The following TBL1XR1 variants were observed in gnomAD, a reference collection of about 807,000 sequenced individuals.
TBL1XR1 encodes F-box-like/WD repeat-containing protein TBL1XR1.
A neutral mutation model predicts 66.9 loss-of-function variants in TBL1XR1; 5 were observed. That is an observed-to-expected ratio of 0.07 (90% CI 0.04 to 0.16). The LOEUF is 0.16. TBL1XR1 is among the 10% of genes least tolerant of loss of function. The probability of loss-of-function intolerance (pLI) is 1.00; values close to 1 mark genes in which losing one functional copy is unlikely to be tolerated. For synonymous variants in TBL1XR1, 210 were observed against 206.0 expected, an observed-to-expected ratio of 1.02 and a Z score of -0.17; for missense variants, 238 against 623.2, an observed-to-expected ratio of 0.38 and a Z score of 6.58.
chr3:177,199,896 T>TA (rs762195070), upstream of TBL1XR1, among the ~76,000 whole-genome samples: 13 of 152,190 alleles, frequency 8.5e-5, no homozygotes, highest in Non-Finnish European at 1.8e-4. Flanking sequence ...GCTGGGGACT[T>TA]ACAAATCCGT....
chr3:177,037,772 TCATC>T lies in TBL1XR1; in HGVS notation c.1122+322_1122+325del, dbSNP rs71170848. Reference sequence around the variant, plus strand: ...GAGTCAATTTCTCACAGTAAATCTCTCATCCATCCATCCATCCATCCATCCATCC... The same window carrying T: ...GAGTCAATTTCTCACAGTAAATCTCTCATCCATCCATCCATCCATCCATCC... On this transcript the variant is annotated intron_variant, in intron 12 of 15. Coordinates refer to ENST00000457928, the MANE Select transcript of TBL1XR1 (RefSeq NM_024665.7). 563 of 183,534 alleles carry T rather than the reference TCATC, an allele frequency of 3.1e-3. 5 individuals are homozygous for T. Among genetic ancestry groups the T allele is most frequent in the South Asian group, 0.012 (94 of 8,118 alleles). The allele number at this position is 183,534 out of a possible 1,614,324, so 11.4% of individuals were successfully genotyped here. A position where few individuals can be genotyped will look rare whatever the true frequency, so the allele number is the denominator to read the frequency against.
At chr3:177,026,499 T>G (rs780716623) in intron 14 of TBL1XR1, 25 bp from the exon 15 acceptor site, 8 of 1,500,540 alleles carry the variant, frequency 5.3e-6, no homozygotes, top group East Asian at 2.3e-5. Context: ...AACAAAATCT[T>G]AAAAATCGTA....
chr3:177,073,854 T>C (rs2108576309), intron 2 of TBL1XR1, among the ~76,000 whole-genome samples: 1 of 152,280 alleles, frequency 6.6e-6, no homozygotes, highest in South Asian at 2.1e-4. Context: ...TTTTGTTTGT[T>C]TTGCCCAGAC....
At chr3:177,044,155 T>C (rs1715997271) in intron 10 of TBL1XR1, among the ~76,000 whole-genome samples, 1 of 152,188 alleles carries the variant, frequency 6.6e-6, no homozygotes, top group African/African-American at 2.4e-5. Context: ...TCCTAACCAG[T>C]GCACTTTTCA....
chr3:177,055,037 A>C (rs374798164), intron 3 of TBL1XR1, among the ~76,000 whole-genome samples: 2 of 152,226 alleles, frequency 1.3e-5, no homozygotes, highest in East Asian at 3.8e-4. Context: ...AATTCAATTA[A>C]ATTGTACAAG....
At chr3:177,150,022 A>G (rs908865654) in intron 1 of TBL1XR1, among the ~76,000 whole-genome samples, 1 of 152,246 alleles carries the variant, frequency 6.6e-6, no homozygotes, top group African/African-American at 2.4e-5. Context: ...AGAACATGCC[A>G]TATGTAGCAT....
chr3:177,069,791 GGAAAGGAA>G (rs1560138749), intron 2 of TBL1XR1, among the ~76,000 whole-genome samples: 1 of 77,076 alleles, frequency 1.3e-5, no homozygotes, highest in Admixed American at 1.6e-4. Flanking sequence ...GGAAAAGGAA[GGAAAGGAA>G]GGAAGGAAGG....
At chr3:177,030,549 G>C (rs773435410) in intron 14 of TBL1XR1, among the ~76,000 whole-genome samples, 2 of 152,014 alleles carry the variant, frequency 1.3e-5, no homozygotes, top group Admixed American at 6.5e-5. Flanking sequence ...GGAAGGAAGA[G>C]GAAAATGGAG....
chr3:177,111,778 G>C (rs1577200087), intron 1 of TBL1XR1, among the ~76,000 whole-genome samples: 1 of 151,972 alleles, frequency 6.6e-6, no homozygotes, highest in Non-Finnish European at 1.5e-5. Flanking sequence ...TTAGATTTCA[G>C]ATGAGTCAGA....
upstream of TBL1XR1, among the ~76,000 whole-genome samples, chr3:177,200,618 T>G (rs1027982737): frequency 2.0e-5 from 3 of 152,238 alleles, no homozygotes; most frequent in Non-Finnish European, 4.4e-5. Flanking sequence ...TTTGTCCTAA[T>G]CTAACACTCC....
intron 3 of TBL1XR1, among the ~76,000 whole-genome samples, chr3:177,064,488 C>G (rs1450837505): frequency 1.3e-5 from 2 of 152,142 alleles, no homozygotes; most frequent in African/African-American, 2.4e-5. Context: ...ATCAAGGATA[C>G]ACTTAATTCA....
intron 4 of TBL1XR1, among the ~76,000 whole-genome samples, chr3:177,052,289 C>T (rs1159637125): frequency 6.6e-6 from 1 of 152,140 alleles, no homozygotes; most frequent in East Asian, 1.9e-4. Flanking sequence ...ATAAAGAGTT[C>T]TCCAAGTAAG....
At chr3:177,181,120 A>G (rs1734770346) in intron 1 of TBL1XR1, among the ~76,000 whole-genome samples, 1 of 152,136 alleles carries the variant, frequency 6.6e-6, no homozygotes, top group South Asian at 2.1e-4. Context: ...CGGTGTTGCC[A>G]TCACCTACTC....
At chr3:177,143,040 T>C (rs1446225562) in intron 1 of TBL1XR1, among the ~76,000 whole-genome samples, 1 of 151,406 alleles carries the variant, frequency 6.6e-6, no homozygotes, top group East Asian at 1.9e-4. Flanking sequence ...CTATTTAAAA[T>C]AGCACTTGAT....
chr3:177,200,450 A>G (rs1737318288), upstream of TBL1XR1, among the ~76,000 whole-genome samples: 1 of 152,180 alleles, frequency 6.6e-6, no homozygotes. Context: ...AGAGAAATAA[A>G]CCATCACTCA....
chr3:177,179,926 G>A (rs1432686623), intron 1 of TBL1XR1, among the ~76,000 whole-genome samples: 1 of 152,126 alleles, frequency 6.6e-6, no homozygotes, highest in African/African-American at 2.4e-5. Flanking sequence ...ACCAAGTAGA[G>A]AAGCAACAAA....
chr3:177,166,831 T>C (rs1732879139), intron 1 of TBL1XR1, among the ~76,000 whole-genome samples: 1 of 152,204 alleles, frequency 6.6e-6, no homozygotes, highest in Admixed American at 6.5e-5. Context: ...GGTCAAAACC[T>C]GGAACACTGA....
intron 10 of TBL1XR1, among the ~76,000 whole-genome samples, chr3:177,044,326 T>G (rs1343883334): frequency 1.3e-5 from 2 of 152,186 alleles, no homozygotes; most frequent in Admixed American, 1.3e-4. Context: ...TGCACATAGC[T>G]TTTGACTCCC....
At chr3:177,141,565 C>T (rs1181713546) in intron 1 of TBL1XR1, among the ~76,000 whole-genome samples, 1 of 152,142 alleles carries the variant, frequency 6.6e-6, no homozygotes, top group African/African-American at 2.4e-5. Flanking sequence ...GGTTACATAT[C>T]GAAGTCTTAA....
Sources: allele counts gnomAD v4.1 joint callset (sites outside exome capture counted in the v4.1 genomes callset), GRCh38; gene constraint gnomAD v4.1.1; transcripts MANE v1.5; gene names NCBI Gene and HGNC (gene_info 2026-07-23, HGNC 2026-07-21).